The following MKLN1 variants were observed in gnomAD, a reference collection of about 807,000 sequenced individuals.
MKLN1 encodes muskelin 1.
MKLN1 carries 18 observed loss-of-function variants against 99.0 expected under a neutral mutation model. The observed-to-expected ratio is 0.18, with a 90% confidence interval of 0.13 to 0.27. The LOEUF (loss-of-function observed/expected upper bound fraction) is 0.27, where lower values mean the gene tolerates loss of function less well. Ranked by LOEUF, MKLN1 falls within the 10% of genes least tolerant of loss-of-function variation. The probability of loss-of-function intolerance (pLI) is 1.00; values close to 1 mark genes in which losing one functional copy is unlikely to be tolerated. For synonymous variants in MKLN1, 288 were observed against 293.2 expected (o/e 0.98, Z 0.18); for missense variants, 621 against 875.9 (o/e 0.71, Z 3.67).
chr7:131,398,029 G>A (rs919605384), intron 5 of MKLN1, among the ~76,000 whole-genome samples: 1 of 152,040 alleles, frequency 6.6e-6, no homozygotes, highest in African/African-American at 2.4e-5. Context: ...GGTGTTTAAT[G>A]ACCTTTTATT....
rs546560205 is a variant in MKLN1, at chr7:131,213,770, A to G, written c.-179+10796A>G. 2.1e-4 allele frequency among the ~76,000 whole-genome samples: 32 copies of G among 152,272 alleles called. No homozygotes were observed. In the South Asian group the frequency reaches 6.6e-3, roughly 32 times the overall value. ...TTTTTGGCATTTTCAGAATTTAAAA[A>G]TTTTGCCAATTTATAGGTATGAAAT... On this transcript the variant is annotated intron_variant, in intron 3 of 7. Coordinates refer to the MKLN1 transcript ENST00000416992.
intron 3 of MKLN1, among the ~76,000 whole-genome samples, chr7:131,208,288 A>G (rs1189490304): frequency 6.6e-6 from 1 of 152,204 alleles, no homozygotes; most frequent in East Asian, 1.9e-4. Flanking sequence ...CTGGCAAAGA[A>G]TTTTGCTCTA....
intron 2 of MKLN1, among the ~76,000 whole-genome samples, chr7:131,382,331 C>G (rs1392417988): frequency 1.3e-5 from 2 of 151,838 alleles, no homozygotes; most frequent in Non-Finnish European, 2.9e-5. Context: ...TGCCACTGCA[C>G]TCCAGCCAGG....
chr7:131,457,770 G>A (rs1004743567), intron 12 of MKLN1, among the ~76,000 whole-genome samples: 3 of 152,134 alleles, frequency 2.0e-5, no homozygotes, highest in African/African-American at 7.2e-5. Context: ...ACAAAAATTA[G>A]CCAGGCTTGG....
chr7:131,120,084 T>C (rs1376815961), intron 1 of MKLN1, among the ~76,000 whole-genome samples: 3 of 141,326 alleles, frequency 2.1e-5, no homozygotes, highest in African/African-American at 8.0e-5. Context: ...GGCAGGAGAA[T>C]GGTGTGAACC....
chr7:131,330,784 C>G (rs1002759455), intron 1 of MKLN1, among the ~76,000 whole-genome samples: 22 of 152,016 alleles, frequency 1.4e-4, no homozygotes, highest in African/African-American at 5.1e-4. Flanking sequence ...TCCCCTTCTT[C>G]CAGAGGCAGA....
chr7:131,265,194 T>C (rs562191526), intron 3 of MKLN1, among the ~76,000 whole-genome samples: 63 of 152,150 alleles, frequency 4.1e-4, no homozygotes, highest in South Asian at 1.5e-3. Context: ...GGGGCAAAAG[T>C]ACCTTTGACG....
At chr7:131,486,942 C>T (rs937334607) in intron 17 of MKLN1, among the ~76,000 whole-genome samples, 1 of 152,104 alleles carries the variant, frequency 6.6e-6, no homozygotes, top group East Asian at 1.9e-4. Context: ...TAGTTCATTG[C>T]CTTATTCCTC....
At chr7:131,293,555 G>A (rs1037627401) in intron 3 of MKLN1, among the ~76,000 whole-genome samples, 1 of 152,182 alleles carries the variant, frequency 6.6e-6, no homozygotes, top group Non-Finnish European at 1.5e-5. Flanking sequence ...TCACACCTAT[G>A]TCCAACACTT....
At chr7:131,131,895 C>G (rs1007442282) in intron 1 of MKLN1, among the ~76,000 whole-genome samples, 1 of 152,158 alleles carries the variant, frequency 6.6e-6, no homozygotes, top group African/African-American at 2.4e-5. Context: ...AGGACCACTT[C>G]GCAGTGCAGG....
At chr7:131,237,128 C>G (rs964201946) in intron 3 of MKLN1, among the ~76,000 whole-genome samples, 7 of 152,182 alleles carry the variant, frequency 4.6e-5, no homozygotes, top group African/African-American at 1.7e-4. Context: ...ATGGTATAAT[C>G]CATACACTGG....
intron 2 of MKLN1, among the ~76,000 whole-genome samples, chr7:131,144,647 C>T (rs942765376): frequency 6.6e-6 from 1 of 151,978 alleles, no homozygotes; most frequent in Non-Finnish European, 1.5e-5. Context: ...GCCACCACAC[C>T]TGGCCCTTGT....
chr7:131,148,208 C>T (rs1473562718), intron 2 of MKLN1, among the ~76,000 whole-genome samples: 2 of 152,162 alleles, frequency 1.3e-5, no homozygotes, highest in African/African-American at 4.8e-5. Context: ...ACTACCACAT[C>T]TGCAGAATTT....
intron 3 of MKLN1, among the ~76,000 whole-genome samples, chr7:131,315,426 C>T (rs139599835): frequency 1.8e-4 from 28 of 152,268 alleles, no homozygotes; most frequent in African/African-American, 6.0e-4. Context: ...GAGAGTCCTT[C>T]GTGAGCCTAC....
intron 2 of MKLN1, among the ~76,000 whole-genome samples, chr7:131,161,961 GTGTATATATATATATATATATATATA>G (rs1796058568): frequency 2.5e-5 from 2 of 81,070 alleles, no homozygotes; most frequent in South Asian, 9.4e-4. Flanking sequence ...GTGTGTGTGT[GTGTATATATATATATATATATATATA>G]TATATATATA....
chr7:131,363,238 G>A (rs1365194951), intron 1 of MKLN1, among the ~76,000 whole-genome samples: 2 of 151,916 alleles, frequency 1.3e-5, no homozygotes, highest in African/African-American at 4.8e-5. Flanking sequence ...TTGAGATGTA[G>A]TAAAGCTTTT....
chr7:131,354,236 G>A (rs981432018), intron 1 of MKLN1, among the ~76,000 whole-genome samples: 1 of 152,012 alleles, frequency 6.6e-6, no homozygotes, highest in Admixed American at 6.6e-5. Context: ...TCATTGCTAT[G>A]TCGAGTCTTC....
chr7:131,150,628 A>T (rs974160243), intron 2 of MKLN1, among the ~76,000 whole-genome samples: 1 of 149,832 alleles, frequency 6.7e-6, no homozygotes, highest in Non-Finnish European at 1.5e-5. Context: ...TATGTGCAGT[A>T]TATAATAATC....
At chr7:131,161,345 C>G (rs1796045336) in intron 2 of MKLN1, among the ~76,000 whole-genome samples, 1 of 152,276 alleles carries the variant, frequency 6.6e-6, no homozygotes, top group East Asian at 1.9e-4. Context: ...TCACATGTGG[C>G]TATCAAGCGC....
Sources: allele counts gnomAD v4.1 joint callset (sites outside exome capture counted in the v4.1 genomes callset), GRCh38; gene constraint gnomAD v4.1.1; transcripts MANE v1.5; gene names NCBI Gene and HGNC (gene_info 2026-07-23, HGNC 2026-07-21).